ATF3: variants seen among roughly 807,000 people sequenced by gnomAD.
ATF3 encodes cyclic AMP-dependent transcription factor ATF-3.
In ATF3, 10 loss-of-function variants were observed where a neutral mutation model predicts 18.4. That is an observed-to-expected ratio of 0.54 (90% CI 0.34 to 0.92). The LOEUF is 0.92. Among genes scored for constraint, ATF3 ranks in the 40% least tolerant of loss-of-function variants. The pLI, the probability that ATF3 is intolerant of heterozygous loss-of-function variation, is 0.02. For synonymous variants in ATF3, 78 were observed against 87.9 expected, an observed-to-expected ratio of 0.89 and a Z score of 0.63; for missense variants, 183 against 222.3, an observed-to-expected ratio of 0.82 and a Z score of 1.12.
upstream of ATF3, among the ~76,000 whole-genome samples, chr1:212,608,161 CT>C (rs1223829251): frequency 6.6e-6 from 1 of 152,264 alleles, no homozygotes; most frequent in Non-Finnish European, 1.5e-5. Context: ...ACACCACAGA[CT>C]AACGCTTCTG....
intron 1 of ATF3, among the ~76,000 whole-genome samples, chr1:212,589,664 C>G (rs1417662918): frequency 2.1e-5 from 3 of 141,480 alleles, no homozygotes; most frequent in Non-Finnish European, 4.6e-5. Flanking sequence ...GCTTGCACAA[C>G]AAGAGTGAGA....
In ATF3 at chr1:212,610,329, G is replaced by C. The variant is rs144265019; in HGVS notation, c.-5+1399G>C. ...TCTCAGTGTACCCCTTTCGTTGTAGGTGACAGTCATATCTTCTGTTCGAAG... is the reference window on the plus strand; with the variant it reads ...TCTCAGTGTACCCCTTTCGTTGTAGCTGACAGTCATATCTTCTGTTCGAAG... On this transcript the variant is annotated intron_variant, in intron 1 of 3. Coordinates refer to ENST00000341491, the MANE Select transcript of ATF3 (RefSeq NM_001674.4). Among the ~76,000 whole-genome samples, 220 of 152,326 alleles carry C rather than the reference G, an allele frequency of 1.4e-3. 5 individuals are homozygous for C. The East Asian group carries it at 0.027, about 18-fold the overall frequency.
chr1:212,612,583 A>G (rs1195203403), intron 1 of ATF3, among the ~76,000 whole-genome samples: 1 of 152,258 alleles, frequency 6.6e-6, no homozygotes, highest in Non-Finnish European at 1.5e-5. Context: ...TTATTGCCTG[A>G]CAGCGACAAG....
At chr1:212,581,824 T>A (rs1259358379) in intron 1 of ATF3, among the ~76,000 whole-genome samples, 1 of 152,244 alleles carries the variant, frequency 6.6e-6, no homozygotes, top group Admixed American at 6.5e-5. Flanking sequence ...GATACATGGC[T>A]TCTAGATAAA....
intron 1 of ATF3, among the ~76,000 whole-genome samples, chr1:212,601,047 T>C (rs1490263012): frequency 6.6e-6 from 1 of 152,218 alleles, no homozygotes; most frequent in Non-Finnish European, 1.5e-5. Flanking sequence ...CAGTGTCCGG[T>C]AATAGGACAC....
chr1:212,597,596 T>C (rs1316230553), intron 1 of ATF3, among the ~76,000 whole-genome samples: 5 of 152,092 alleles, frequency 3.3e-5, no homozygotes, highest in Non-Finnish European at 5.9e-5. Context: ...TGGCAGAGGT[T>C]GAGACTCTTG....
At chr1:212,580,642 A>C (rs762796274) in intron 1 of ATF3, among the ~76,000 whole-genome samples, 1 of 151,980 alleles carries the variant, frequency 6.6e-6, no homozygotes, top group African/African-American at 2.4e-5. Flanking sequence ...GTCATTCTTC[A>C]CTCTGTGTTC....
intron 1 of ATF3, among the ~76,000 whole-genome samples, chr1:212,574,046 G>A (rs987662221): frequency 1.3e-5 from 2 of 151,002 alleles, no homozygotes; most frequent in Non-Finnish European, 3.0e-5. Context: ...TCCTAATTCA[G>A]TTAGTTTTGG....
rs564615720 is a variant in ATF3 at position 212,615,272 on chromosome 1, T to TCACAGGTATTCATTCTTTCGG, written c.240+16_240+36dup. ...ATCACAAAAGCCGAGGTGGGTTCTA[T>TCACAGGTATTCATTCTTTCGG]CACAGGTATTCATTCTTTCGGCACA... On this transcript the variant is annotated intron_variant, in intron 2 of 3. Transcript: ENST00000341491. The TCACAGGTATTCATTCTTTCGG allele has an allele frequency of 2.9e-3, 4,625 of 1,612,956 alleles. 119 individuals carry two copies. The African/African-American group carries it at 0.056, about 20-fold the overall frequency.
At chr1:212,606,919 T>C (rs1447723633), upstream of ATF3, among the ~76,000 whole-genome samples, 3 of 151,414 alleles carry the variant, frequency 2.0e-5, no homozygotes, top group African/African-American at 7.3e-5. Context: ...GGTGAGGGCG[T>C]GGAAGCGGAG....
intron 1 of ATF3, among the ~76,000 whole-genome samples, chr1:212,591,543 C>T (rs181172986): frequency 6.6e-6 from 1 of 152,284 alleles, no homozygotes; most frequent in African/African-American, 2.4e-5. Context: ...CTCCATCCCC[C>T]CCGCCCCAGT....
intron 1 of ATF3, among the ~76,000 whole-genome samples, chr1:212,594,451 G>A (rs188149484): frequency 1.3e-5 from 2 of 152,282 alleles, no homozygotes; most frequent in Non-Finnish European, 2.9e-5. Flanking sequence ...TCCAGAGTTG[G>A]CATTGTGCTT....
chr1:212,574,077 G>C (rs570584071), intron 1 of ATF3, among the ~76,000 whole-genome samples: 1 of 151,088 alleles, frequency 6.6e-6, no homozygotes, highest in African/African-American at 2.4e-5. Flanking sequence ...AGTCTTTTCT[G>C]TCTACTGATT....
intron 1 of ATF3, among the ~76,000 whole-genome samples, chr1:212,573,995 A>T (rs1004882310): frequency 8.7e-5 from 13 of 149,998 alleles, no homozygotes; most frequent in Middle Eastern, 3.4e-3. Context: ...ATTACTTTTT[A>T]AAAAAAGTGC....
chr1:212,567,845 G>A (rs953381027), intron 1 of ATF3, among the ~76,000 whole-genome samples: 15 of 152,288 alleles, frequency 9.8e-5, no homozygotes, highest in African/African-American at 3.4e-4. Flanking sequence ...TCTGAGAGCC[G>A]TGGAGTGCAG....
At position 212,585,081 on chromosome 1, in the gene ATF3, T is replaced by G. The variant is rs1329520586; in HGVS notation, c.-5+19598T>G. Among the ~76,000 whole-genome samples the G allele has an allele frequency of 2.6e-5, 4 of 151,820 alleles. No individual in the cohort carries two copies. In the East Asian group the frequency reaches 5.8e-4, roughly 22 times the overall value. Reference sequence around the variant, plus strand: ...CCTACAAGATAAGATGTGTTCTGAGTGTCGGAGGGGTGGGAGGGCCTCTAA... The same window carrying G: ...CCTACAAGATAAGATGTGTTCTGAGGGTCGGAGGGGTGGGAGGGCCTCTAA... On this transcript the variant is annotated intron_variant, in intron 1 of 3. Coordinates refer to the ATF3 transcript ENST00000366981.
At chr1:212,615,694 C>T (rs543630444) in intron 2 of ATF3, among the ~76,000 whole-genome samples, 11 of 151,696 alleles carry the variant, frequency 7.3e-5, no homozygotes, top group Non-Finnish European at 1.3e-4. Flanking sequence ...GTCTCATCTA[C>T]TTGCGAGGCT....
intron 1 of ATF3, among the ~76,000 whole-genome samples, chr1:212,600,451 T>C (rs1266342672): frequency 6.6e-6 from 1 of 152,248 alleles, no homozygotes; most frequent in Non-Finnish European, 1.5e-5. Context: ...CTCCATTCCG[T>C]ATTTTCATCC....
At chr1:212,570,377 A>C (rs1393088981) in intron 1 of ATF3, among the ~76,000 whole-genome samples, 1 of 152,208 alleles carries the variant, frequency 6.6e-6, no homozygotes, top group Non-Finnish European at 1.5e-5. Flanking sequence ...AGGGAAATGC[A>C]CAAATCTTAA....
Sources: gnomAD v4.1 joint callset for allele counts (sites outside exome capture counted in the v4.1 genomes callset) on GRCh38, gnomAD v4.1.1 for gene constraint, MANE v1.5 for transcripts, NCBI Gene and HGNC (gene_info 2026-07-23, HGNC 2026-07-21) for gene names.